Variants in PLEKHG1 observed in about 807,000 individuals in gnomAD.
The protein encoded by PLEKHG1 is pleckstrin homology domain-containing family G member 1.
PLEKHG1 carries 44 observed loss-of-function variants against 100.8 expected under a neutral mutation model. The observed-to-expected ratio is 0.44, with a 90% CI of 0.34 to 0.56. PLEKHG1 has a LOEUF of 0.56. PLEKHG1 is among the 20% of genes least tolerant of loss of function. The probability of loss-of-function intolerance (pLI) is 0.01; values close to 1 mark genes in which losing one functional copy is unlikely to be tolerated. For missense variants in PLEKHG1, 1,545 were observed against 1,720.9 expected, an observed-to-expected ratio of 0.90 and a Z score of 1.81; for synonymous variants, 640 against 662.5, an observed-to-expected ratio of 0.97 and a Z score of 0.52.
chr6:150,664,304 A>G (rs1343013194), intron 3 of PLEKHG1: 2 of 152,096 alleles, frequency 1.3e-5, no homozygotes, highest in Non-Finnish European at 2.9e-5. Context: ...CAGTAACCAT[A>G]CTCAATGCCC....
chr6:150,801,806 A>G (rs1786730378), intron 6 of PLEKHG1, among the ~76,000 whole-genome samples: 1 of 151,936 alleles, frequency 6.6e-6, no homozygotes, highest in Admixed American at 6.6e-5. Flanking sequence ...TACCGCAAGT[A>G]ATTTTCATTC....
At chr6:150,627,940 G>A (rs996244318) in intron 1 of PLEKHG1, among the ~76,000 whole-genome samples, 10 of 152,082 alleles carry the variant, frequency 6.6e-5, no homozygotes, top group African/African-American at 1.9e-4. Flanking sequence ...TAATATGCAG[G>A]GCGTTTTATG....
chr6:150,764,119 TTTTC>T (rs1335228064), intron 2 of PLEKHG1, among the ~76,000 whole-genome samples: 8 of 150,490 alleles, frequency 5.3e-5, no homozygotes, highest in African/African-American at 1.2e-4. Flanking sequence ...TTCTTTTTCT[TTTTC>T]TTTTTTTTTT....
At chr6:150,777,123 A>G (rs1247739806) in intron 3 of PLEKHG1, among the ~76,000 whole-genome samples, 2 of 147,180 alleles carry the variant, frequency 1.4e-5, no homozygotes, top group Non-Finnish European at 3.0e-5. Context: ...CACTGATGCA[A>G]TCCTGGTGCA....
chr6:150,809,522 G>T, intron 9 of PLEKHG1, 46 bp downstream of exon 10: 1 of 1,529,388 alleles, frequency 6.5e-7, no homozygotes, highest in Non-Finnish European at 9.1e-7. Context: ...TTTGTGTAAT[G>T]ATGAGTGCTG....
In PLEKHG1 at chr6:150,823,624, C is replaced by T. The variant is rs373830502; in HGVS notation, c.1448-30C>T. 2.6e-6 allele frequency: 4 copies of T among 1,540,032 alleles called. No homozygotes were observed. The South Asian group carries it at 4.5e-5, about 17-fold the overall frequency. On this transcript the variant is annotated intron_variant, in intron 13 of 15. Transcript: ENST00000358517. ...TATATAGGAGGTACATTTTCATTCT[C>T]AAACTTGAAAAAAAACTTTTATTTT...
chr6:150,705,930 G>C (rs1351838921), intron 3 of PLEKHG1, among the ~76,000 whole-genome samples: 1 of 152,106 alleles, frequency 6.6e-6, no homozygotes, highest in Non-Finnish European at 1.5e-5. Context: ...AATGCCTCTA[G>C]GTGCCGTCTT....
intron 3 of PLEKHG1, among the ~76,000 whole-genome samples, chr6:150,706,480 G>A (rs1475743372): frequency 7.5e-6 from 1 of 132,980 alleles, no homozygotes; most frequent in African/African-American, 2.5e-5. Flanking sequence ...CAGGCATGGT[G>A]GTGCACACCT....
rs111639263 is a variant in PLEKHG1 at position 150,621,375 on chromosome 6, ATT to A, written c.-203-16689_-203-16688del. ...TCAGGGGCTTTTGTGGCACAAATCA[ATT>A]TTTTTTTTTTTTTTTGAGATGGAGT... On this transcript the variant is annotated intron_variant, in intron 1 of 3. Coordinates refer to the PLEKHG1 transcript ENST00000367326. 7.1e-3 allele frequency among the ~76,000 whole-genome samples: 1,005 copies of A among 141,422 alleles called. 9 individuals are homozygous for A. Among genetic ancestry groups the A allele is most frequent in the South Asian group, 0.023 (100 of 4,356 alleles). The allele number at this position is 141,422 out of a possible 152,430, so 92.8% of individuals were successfully genotyped here.
chr6:150,840,715 G>T (rs1390842818), exon 16 of PLEKHG1: 1 of 1,614,196 alleles, frequency 6.2e-7, no homozygotes, highest in South Asian at 1.1e-5. Context: ...TCTTTGAATA[G>T]TCCGCGCACT....
At chr6:150,779,836 C>T (rs764717001) in intron 3 of PLEKHG1, among the ~76,000 whole-genome samples, 2 of 151,500 alleles carry the variant, frequency 1.3e-5, no homozygotes, top group Non-Finnish European at 2.9e-5. Flanking sequence ...CATGGTGACA[C>T]GTGCCTGTAG....
intron 2 of PLEKHG1, among the ~76,000 whole-genome samples, chr6:150,742,238 G>T (rs1782897737): frequency 6.6e-6 from 1 of 152,180 alleles, no homozygotes; most frequent in Non-Finnish European, 1.5e-5. Flanking sequence ...AACCATGGCA[G>T]AAGGCGAACA....
intron 2 of PLEKHG1, among the ~76,000 whole-genome samples, chr6:150,762,199 TTC>T (rs1192094472): frequency 6.8e-6 from 1 of 147,318 alleles, no homozygotes; most frequent in Non-Finnish European, 1.5e-5. Flanking sequence ...TTCTCTCTTT[TTC>T]TTTTTTTTTT....
intron 2 of PLEKHG1, among the ~76,000 whole-genome samples, chr6:150,751,078 A>T (rs1783486553): frequency 6.6e-6 from 1 of 152,232 alleles, no homozygotes; most frequent in Admixed American, 6.5e-5. Context: ...GTTGGACAAG[A>T]CCAATAATTT....
exon 2 of PLEKHG1, chr6:150,733,746 G>A (rs372467316): frequency 9.9e-6 from 16 of 1,613,998 alleles, no homozygotes; most frequent in East Asian, 6.7e-5. Flanking sequence ...GCCTCTTCCC[G>A]CGACAGCCAT....
chr6:150,738,163 G>T (rs753483755), intron 2 of PLEKHG1, among the ~76,000 whole-genome samples: 2 of 152,026 alleles, frequency 1.3e-5, no homozygotes, highest in Non-Finnish European at 2.9e-5. Context: ...AAAGAAGCTC[G>T]TCTAATTGAA....
Position 150,600,036 on chromosome 6 carries a change from C to T in PLEKHG1, c.-204+19C>T, listed in dbSNP as rs1443365366. ...TCCCCGGGTAAGCGCCGGTCGGGCCCGGACGCCCTGGGGACTTTTCCAGGG... is the reference window on the plus strand; with the variant it reads ...TCCCCGGGTAAGCGCCGGTCGGGCCTGGACGCCCTGGGGACTTTTCCAGGG... On this transcript the variant is annotated intron_variant, in intron 1 of 3. Transcript: ENST00000367326. This position sits in a 1 kb window ranked among gnomAD's most constrained non-coding sequence, Gnocchi z 6.2. 2 of 221,300 alleles carry T rather than the reference C, an allele frequency of 9.0e-6. No individual in the cohort carries two copies. The highest frequency in any genetic ancestry group is 4.1e-5 in the South Asian group (1 of 24,388). 13.7% of individuals were successfully genotyped at this position (221,300 alleles called of 1,614,324 possible).
intron 2 of PLEKHG1, among the ~76,000 whole-genome samples, chr6:150,751,931 G>A (rs759930048): frequency 1.3e-5 from 2 of 152,186 alleles, no homozygotes; most frequent in Non-Finnish European, 1.5e-5. Flanking sequence ...GCTCACGCCC[G>A]TAATCCCAGC....
chr6:150,741,750 C>T (rs1782870583), intron 2 of PLEKHG1, among the ~76,000 whole-genome samples: 1 of 152,204 alleles, frequency 6.6e-6, no homozygotes, highest in Admixed American at 6.5e-5. Context: ...TCACTGCATA[C>T]CTCCCCTTTG....
Sources: allele counts gnomAD v4.1 joint callset (sites outside exome capture counted in the v4.1 genomes callset), GRCh38; gene constraint gnomAD v4.1.1; non-coding constraint Gnocchi (gnomAD v3.1); transcripts MANE v1.5; gene names NCBI Gene and HGNC (gene_info 2026-07-23, HGNC 2026-07-21).